ADAMTS4: variants seen among roughly 807,000 people sequenced by gnomAD.
ADAMTS4 encodes the protein ADAM metallopeptidase with thrombospondin type 1 motif 4.
A neutral mutation model predicts 66.7 loss-of-function variants in ADAMTS4; 38 were observed. That is an observed-to-expected ratio of 0.57 (90% CI 0.44 to 0.75). The LOEUF (loss-of-function observed/expected upper bound fraction) is 0.75, where lower values mean the gene tolerates loss of function less well. Among genes scored for constraint, ADAMTS4 ranks in the 30% least tolerant of loss-of-function variants. ADAMTS4 has a pLI of 0.00. For synonymous variants in ADAMTS4, 418 were observed against 461.5 expected, an observed-to-expected ratio of 0.91 and a Z score of 1.21; for missense variants, 1,014 against 1,116.7, an observed-to-expected ratio of 0.91 and a Z score of 1.31.
chr1:161,195,811 C>A, intron 3 of ADAMTS4, 176 bp from the exon 4 acceptor site: 1 of 617,230 alleles, frequency 1.6e-6, no homozygotes, highest in Non-Finnish European at 2.7e-6. Context: ...CCGTCTCTTT[C>A]TCTGTCTCCT....
intron 4 of ADAMTS4, 85 bp downstream of exon 4, chr1:161,195,380 C>T: frequency 7.1e-7 from 1 of 1,417,198 alleles, no homozygotes; most frequent in Non-Finnish European, 9.5e-7. Context: ...GCAATTTGGT[C>T]CATGCAGAAT....
rs1558075074 is a variant in ADAMTS4, at chr1:161,194,111, G to GTA, written c.1371_1372insTA (p.Arg458TyrfsTer124). The GTA allele has an allele frequency of 6.2e-7, 1 of 1,614,132 alleles. No individual in the cohort carries two copies. Among genetic ancestry groups the GTA allele is most frequent in the East Asian group, 2.2e-5 (1 of 44,902 alleles). ...GGCGGCGGCAGCTGTGGACAATGGC[G>GTA]TGAGTCGGGCCCGAAGGTCAGCTGG... On this transcript the variant is annotated frameshift_variant, in exon 5 of 9. Transcript: ENST00000367996. LOFTEE classifies it high-confidence loss of function. This position sits in a 1 kb window ranked among gnomAD's most constrained non-coding sequence, Gnocchi z 4.1.
In ADAMTS4 at chr1:161,193,991, C is replaced by A. The variant is rs370694866; in HGVS notation, c.1492G>T (p.Ala498Ser). The A allele has an allele frequency of 1.9e-6, 3 of 1,610,478 alleles. No homozygotes were observed. Among genetic ancestry groups the A allele is most frequent in the Non-Finnish European group, 2.5e-6 (3 of 1,177,826 alleles). Residue 498 changes from alanine to serine, a missense_variant, in exon 5 of 9, where the codon GCA (alanine) becomes TCA (serine). Ala to Ser is a moderately conservative substitution (Grantham distance 99, BLOSUM62 1). Transcript: ENST00000367996. The surrounding 1 kb of genome is among the most constrained non-coding windows in gnomAD (Gnocchi z 4.4). ...PWADGTPCGP[A>S]QACMGGRCLH... Reference sequence around the variant, plus strand: ...CAGCGACCACCCATGCAGGCCTGTGCGGGCCCGCAGGGTGTGCCATCGGCC... The same window carrying A: ...CAGCGACCACCCATGCAGGCCTGTGAGGGCCCGCAGGGTGTGCCATCGGCC...
At chr1:161,196,052 C>T (rs754035391) in intron 3 of ADAMTS4, 119 bp downstream of exon 3, 5 of 1,263,862 alleles carry the variant, frequency 4.0e-6, no homozygotes, top group Non-Finnish European at 5.5e-6. Context: ...GGAGTAATAG[C>T]CCTATACCTA....
intron 1 of ADAMTS4, 50 bp downstream of exon 1, chr1:161,197,945 A>T (rs1191632138): frequency 6.6e-7 from 1 of 1,518,790 alleles, no homozygotes; most frequent in Non-Finnish European, 8.8e-7. Flanking sequence ...GGTCAGTAGG[A>T]CAGACATGGC....
intron 3 of ADAMTS4, 167 bp from the exon 4 acceptor site, chr1:161,195,802 C>G: frequency 1.6e-6 from 1 of 640,252 alleles, no homozygotes; most frequent in Non-Finnish European, 2.5e-6. Context: ...TATGTAGCCC[C>G]GTCTCTTTCT....
rs1176787186 is a variant in ADAMTS4 at position 161,198,185 on chromosome 1, G to T, written c.443C>A (p.Ala148Asp). 2 of 1,614,040 alleles carry T rather than the reference G, an allele frequency of 1.2e-6. No homozygotes were observed. The highest frequency in any genetic ancestry group is 1.3e-5 in the African/African-American group (1 of 75,008). The change falls in exon 1 of 9, where the codon GCC becomes GAC. Residue 148 changes from alanine to aspartate, a missense_variant. Transcript: ENST00000367996. This position sits in a 1 kb window ranked among gnomAD's most constrained non-coding sequence, Gnocchi z 4.7. ...SVASLHWDGG[A>D]LLGVLQYRGA... Reference sequence around the variant, plus strand: ...CCGATATTGTAACACGCCTAACAGGGCTCCCCCATCCCAGTGCAGAGATGC... The same window carrying T: ...CCGATATTGTAACACGCCTAACAGGTCTCCCCCATCCCAGTGCAGAGATGC...
At position 161,198,346 on chromosome 1, in the gene ADAMTS4, T is replaced by C. The variant is rs780911328; in HGVS notation, c.282A>G (p.Leu94=). The change falls in exon 1 of 9, where the codon CTA becomes CTG. Residue 94 remains leucine (L), a synonymous_variant. Coordinates refer to ENST00000367996, the MANE Select transcript of ADAMTS4 (RefSeq NM_005099.6). This position sits in a 1 kb window ranked among gnomAD's most constrained non-coding sequence, Gnocchi z 4.7. ...GCACACCGGAGTCCTGCTCCAGCTC[T>C]AGTAGCAGCGTCTCCCCAAAGGCCT... is the stretch of plus-strand genomic sequence containing the variant. ...RLQAFGETLL[L]ELEQDSGVQV... is the part of the protein sequence containing the mutation. The C allele has an allele frequency of 6.2e-7, 1 of 1,613,290 alleles. No homozygotes were observed. The highest frequency in any genetic ancestry group is 8.5e-7 in the Non-Finnish European group (1 of 1,179,956).
rs759687491 is a variant in ADAMTS4, at chr1:161,192,202, C to T, written c.1950G>A (p.Ser650=). The change falls in exon 8 of 9, where the codon TCG becomes TCA. Residue 650 remains serine, a synonymous_variant. Transcript: ENST00000367996. The part of the protein sequence containing the change: ...DGTPCSPDSS[S]VCVQGRCIHA... ...GGATGCATCGGCCCTGGACACAGAC[C>T]GAGGAGCTGTCCGGGGAACAGGGGG... is the stretch of plus-strand genomic sequence containing the variant. The T allele has an allele frequency of 5.6e-6, 9 of 1,613,956 alleles. No homozygotes were observed. Among genetic ancestry groups the T allele is most frequent in the Admixed American group, 1.7e-5 (1 of 60,002 alleles).
chr1:161,191,742 T>C (rs1346762566), intron 8 of ADAMTS4, among the ~76,000 whole-genome samples, 178 bp from the exon 9 acceptor site: 2 of 152,190 alleles, frequency 1.3e-5, no homozygotes, highest in Non-Finnish European at 2.9e-5. Context: ...CTCTTATCTC[T>C]GGACCTTTAC....
At chr1:161,195,684 C>T in intron 3 of ADAMTS4, 49 bp from the exon 4 acceptor site, 1 of 1,525,614 alleles carries the variant, frequency 6.6e-7, no homozygotes, top group Non-Finnish European at 8.9e-7. Flanking sequence ...TTCCCCATGC[C>T]CTGAGGGACT....
intron 8 of ADAMTS4, 130 bp downstream of exon 8, chr1:161,191,935 A>T: frequency 8.7e-7 from 1 of 1,146,244 alleles, no homozygotes; most frequent in Middle Eastern, 2.7e-4. Context: ...ACCGCACTGT[A>T]GCTGCCTACT....
chr1:161,198,907 T>A lies in ADAMTS4; in HGVS notation c.-280A>T. 2.5e-6 allele frequency: 1 copy of A among 399,988 alleles called. No homozygotes were observed. The highest frequency in any genetic ancestry group is 4.5e-6 in the Non-Finnish European group (1 of 223,956). The allele number at this position is 399,988 out of a possible 1,614,324, so 24.8% of individuals were successfully genotyped here. A position where few individuals can be genotyped will look rare whatever the true frequency, so the allele number is the denominator to read the frequency against. Reference sequence around the variant, plus strand: ...CCCTGCCTGTGTCTTCTGCAGCTTCTCTGGCCTCTCCCTCTGTAGGACTCT... The same window carrying A: ...CCCTGCCTGTGTCTTCTGCAGCTTCACTGGCCTCTCCCTCTGTAGGACTCT... On this transcript the variant is annotated 5_prime_UTR_variant, in exon 1 of 9. Transcript: ENST00000367996. This position sits in a 1 kb window ranked among gnomAD's most constrained non-coding sequence, Gnocchi z 4.7.
chr1:161,186,044 A>G lies in ADAMTS4; in HGVS notation c.*5094T>C, dbSNP rs1416148447. 1 of 152,238 alleles carries G rather than the reference A, an allele frequency of 6.6e-6. No homozygotes were observed. The highest frequency in any genetic ancestry group is 2.4e-5 in the African/African-American group (1 of 41,452). The allele number at this position is 152,238 out of a possible 1,614,324, so 9.4% of individuals were successfully genotyped here. ...CAGGGTTCTAATCCCTTGTCATTCA[A>G]TGCCTTTTCTTTTTCCATTTCCTCT... On this transcript the variant is annotated 3_prime_UTR_variant, in exon 9 of 9. Transcript: ENST00000367996.
rs148326772 is a variant in ADAMTS4, at chr1:161,191,534, G to A, written c.2118C>T (p.Pro706=). Residue 706 remains proline (P), a synonymous_variant, in exon 9 of 9, where the codon CCC becomes CCT. Coordinates refer to ENST00000367996, the MANE Select transcript of ADAMTS4 (RefSeq NM_005099.6). ...RYGYNNVVTI[P]AGATHILVRQ... is the part of the protein sequence containing the mutation. Reference sequence around the variant, plus strand: ...GGACAAGAATGTGGGTGGCCCCCGCGGGGATAGTGACCACATTGTTGTATC... The same window carrying A: ...GGACAAGAATGTGGGTGGCCCCCGCAGGGATAGTGACCACATTGTTGTATC... The A allele has an allele frequency of 5.4e-5, 87 of 1,613,104 alleles. No individual in the cohort carries two copies. Among genetic ancestry groups the A allele is most frequent in the African/African-American group, 5.3e-5 (4 of 74,920 alleles).
Position 161,193,915 on chromosome 1 carries a change from C to T in ADAMTS4, c.1548+20G>A. The stretch of plus-strand genomic sequence containing the variant: ...CCACACCCCCGGGCCCTTTACCCCA[C>T]CCCTGCCCTAGGATCTCACATTGAA... On this transcript the variant is annotated intron_variant, in intron 5 of 8. Coordinates refer to ENST00000367996, the MANE Select transcript of ADAMTS4 (RefSeq NM_005099.6). The surrounding 1 kb of genome is among the most constrained non-coding windows in gnomAD (Gnocchi z 4.4). 15 of 1,564,662 alleles carry T rather than the reference C, an allele frequency of 9.6e-6. No individual in the cohort carries two copies. The highest frequency in any genetic ancestry group is 1.2e-5 in the Non-Finnish European group (14 of 1,152,750).
In ADAMTS4 at chr1:161,188,184, G is replaced by A. The variant is rs1006342542; in HGVS notation, c.*2954C>T. 1 of 144,964 alleles carries A rather than the reference G, an allele frequency of 6.9e-6. No individual in the cohort carries two copies. Among genetic ancestry groups the A allele is most frequent in the African/African-American group, 2.6e-5 (1 of 39,180 alleles). The allele number at this position is 144,964 out of a possible 1,614,324, so 9.0% of individuals were successfully genotyped here. A position where few individuals can be genotyped will look rare whatever the true frequency, so the allele number is the denominator to read the frequency against. ...TTGGCCTGGCTGGTTTTGAACCTCA[G>A]CCTCCCAAAGTGCTGAGATTACAGG... On this transcript the variant is annotated 3_prime_UTR_variant, in exon 9 of 9. Coordinates refer to ENST00000367996, the MANE Select transcript of ADAMTS4 (RefSeq NM_005099.6).
chr1:161,194,225 G>A lies in ADAMTS4; in HGVS notation c.1262-4C>T, dbSNP rs377006735. 5.0e-5 allele frequency: 81 copies of A among 1,610,584 alleles called. No homozygotes were observed. Among genetic ancestry groups the A allele is most frequent in the Non-Finnish European group, 6.3e-5 (74 of 1,177,284 alleles). ...GGTTTGTCTAAGAGACAGTGCCCTG[G>A]GAAGGGGGTTGGGGCACAAAGTCAG... On this transcript the variant is annotated splice_polypyrimidine_tract_variant and splice_region_variant and intron_variant, in intron 4 of 8. Coordinates refer to ENST00000367996, the MANE Select transcript of ADAMTS4 (RefSeq NM_005099.6). The surrounding 1 kb of genome is among the most constrained non-coding windows in gnomAD (Gnocchi z 4.1).
Position 161,196,673 on chromosome 1 carries a change from C to A in ADAMTS4, c.841G>T (p.Val281Leu). Residue 281 changes from valine to leucine, a missense_variant, in exon 2 of 9, where the codon GTG becomes TTG. Val to Leu is a conservative substitution (Grantham distance 32). Transcript: ENST00000367996. ...ILGSGEEGPQVGPSAAQTLRS... is the reference protein window; with the variant it reads ...ILGSGEEGPQLGPSAAQTLRS... ...AGGGTCTGGGCAGCACTGGGCCCCA[C>A]TTGGGGCCCCTCCTCGCCTGACCCC... 1 of 1,614,100 alleles carries A rather than the reference C, an allele frequency of 6.2e-7. No individual in the cohort carries two copies. The highest frequency in any genetic ancestry group is 1.1e-5 in the South Asian group (1 of 91,088).
Sources: gnomAD v4.1 joint callset for allele counts (sites outside exome capture counted in the v4.1 genomes callset) on GRCh38, gnomAD v4.1.1 for gene constraint, Gnocchi (gnomAD v3.1) non-coding constraint, MANE v1.5 for transcripts, NCBI Gene and HGNC (gene_info 2026-07-23, HGNC 2026-07-21) for gene names.